Variants in GRID1 observed in about 807,000 individuals in gnomAD.
GRID1 encodes glutamate receptor ionotropic, delta-1.
A neutral mutation model predicts 98.0 loss-of-function variants in GRID1; 28 were observed. The observed-to-expected ratio is 0.29, with a 90% confidence interval of 0.21 to 0.39. The LOEUF is 0.39. GRID1 is among the 10% of genes least tolerant of loss of function. GRID1 has a pLI of 1.00. For missense variants in GRID1, 1,111 were observed against 1,340.5 expected, an observed-to-expected ratio of 0.83 and a Z score of 2.67; for synonymous variants, 553 against 538.5, an observed-to-expected ratio of 1.03 and a Z score of -0.37.
intron 4 of GRID1, among the ~76,000 whole-genome samples, chr10:86,102,722 T>C (rs9420382): frequency 0.48 from 72,503 of 151,684 alleles, 20,630 homozygotes; most frequent in African/African-American, 0.8. Flanking sequence ...ACCGTGAATC[T>C]ATTAAACCTC....
At chr10:85,650,146 T>C (rs1402262218) in intron 12 of GRID1, 3 of 152,190 alleles carry the variant, frequency 2.0e-5, no homozygotes, top group Non-Finnish European at 4.4e-5. Flanking sequence ...GCACCCAGTT[T>C]TGGAGGGGAC....
intron 3 of GRID1, among the ~76,000 whole-genome samples, chr10:86,151,774 G>A (rs969296006): frequency 1.3e-5 from 2 of 152,134 alleles, no homozygotes; most frequent in African/African-American, 4.8e-5. Flanking sequence ...CCACCCAATG[G>A]GACCTCCTGA....
At chr10:85,703,194 T>C (rs560363689) in intron 12 of GRID1, among the ~76,000 whole-genome samples, 8 of 152,190 alleles carry the variant, frequency 5.3e-5, no homozygotes, top group South Asian at 4.1e-4. Context: ...AATTAATGTA[T>C]AAAGGCAACA....
chr10:85,817,487 C>A (rs1842725955), intron 8 of GRID1, among the ~76,000 whole-genome samples: 1 of 152,108 alleles, frequency 6.6e-6, no homozygotes, highest in Non-Finnish European at 1.5e-5. Context: ...ATTTGTGCCA[C>A]TGCACTCCAG....
Position 86,365,414 on chromosome 10 carries a change from G to A in GRID1, c.79+900C>T, listed in dbSNP as rs1449015370. Among the ~76,000 whole-genome samples the A allele has an allele frequency of 1.4e-5, 2 of 147,198 alleles. No individual in the cohort carries two copies. Among genetic ancestry groups the A allele is most frequent in the East Asian group, 4.0e-4 (2 of 4,972 alleles). ...GGCCCAACTTCCCGAGATTCCTCCCGTGTTGCTCCCAACTCCCACCCACTC... is the reference window on the plus strand; with the variant it reads ...GGCCCAACTTCCCGAGATTCCTCCCATGTTGCTCCCAACTCCCACCCACTC... On this transcript the variant is annotated intron_variant, in intron 1 of 15. Transcript: ENST00000327946. The surrounding 1 kb of genome is among the most constrained non-coding windows in gnomAD (Gnocchi z 4.8).
At chr10:86,005,707 C>A (rs1237876978) in intron 4 of GRID1, among the ~76,000 whole-genome samples, 1 of 152,086 alleles carries the variant, frequency 6.6e-6, no homozygotes, top group Non-Finnish European at 1.5e-5. Flanking sequence ...TGAGTAAGAG[C>A]AGACATAGAA....
At chr10:85,734,729 A>T (rs1392692101) in intron 8 of GRID1, among the ~76,000 whole-genome samples, 14 of 152,178 alleles carry the variant, frequency 9.2e-5, no homozygotes, top group Non-Finnish European at 2.1e-4. Context: ...ATTTCCACAA[A>T]ACTGTGTGAT....
At chr10:85,777,106 C>A (rs1842338742) in intron 8 of GRID1, among the ~76,000 whole-genome samples, 1 of 152,168 alleles carries the variant, frequency 6.6e-6, no homozygotes. Context: ...CTCTCTAATT[C>A]TCCAACCTAA....
chr10:86,042,059 A>G (rs974359894), intron 4 of GRID1, among the ~76,000 whole-genome samples: 4 of 152,194 alleles, frequency 2.6e-5, no homozygotes, highest in African/African-American at 9.6e-5. Flanking sequence ...AAGCTGAAAG[A>G]GGAACAGGTC....
At chr10:85,897,471 T>C (rs1232063834) in intron 5 of GRID1, among the ~76,000 whole-genome samples, 1 of 152,166 alleles carries the variant, frequency 6.6e-6, no homozygotes, top group Non-Finnish European at 1.5e-5. Context: ...CCATCCCCAA[T>C]ACACTGGCCC....
intron 4 of GRID1, among the ~76,000 whole-genome samples, chr10:85,920,589 G>T (rs1447652076): frequency 6.6e-6 from 1 of 152,220 alleles, no homozygotes; most frequent in East Asian, 1.9e-4. Context: ...ATACAGCTTT[G>T]CAAAGTGGTG....
rs567552726 is a variant in GRID1 at position 86,183,522 on chromosome 10, G to A, written c.520+22842C>T. On this transcript the variant is annotated intron_variant, in intron 3 of 15. Transcript: ENST00000327946. The stretch of plus-strand genomic sequence containing the variant: ...TTACAGGCATGCGCCACCATACCCC[G>A]CTGATTTTGTCTTTTTAGTAGAGAC... 5.9e-5 allele frequency among the ~76,000 whole-genome samples: 9 copies of A among 152,182 alleles called. No homozygotes were observed. In the South Asian group the frequency reaches 6.2e-4, roughly 11 times the overall value.
At chr10:86,095,701 T>A (rs75503418) in intron 4 of GRID1, among the ~76,000 whole-genome samples, 8,288 of 151,692 alleles carry the variant, frequency 0.055, 496 homozygotes, top group African/African-American at 0.15. Context: ...TAAAAAAAAA[T>A]TTTTTTAAAA....
At chr10:86,055,323 G>T (rs1843557777) in intron 4 of GRID1, among the ~76,000 whole-genome samples, 1 of 152,168 alleles carries the variant, frequency 6.6e-6, no homozygotes, top group African/African-American at 2.4e-5. Flanking sequence ...GTTATGGATT[G>T]AATGTTTGTG....
At chr10:85,972,783 T>C (rs1291895536) in intron 4 of GRID1, among the ~76,000 whole-genome samples, 2 of 152,160 alleles carry the variant, frequency 1.3e-5, no homozygotes, top group African/African-American at 2.4e-5. Flanking sequence ...AGTGAGATTA[T>C]TGGGTCAAAC....
intron 8 of GRID1, among the ~76,000 whole-genome samples, chr10:85,826,589 C>T (rs1229107786): frequency 2.0e-5 from 3 of 152,100 alleles, no homozygotes; most frequent in African/African-American, 7.2e-5. Flanking sequence ...CACTTGCCAA[C>T]ACATGCACCC....
At chr10:86,266,355 G>A (rs964971470) in intron 2 of GRID1, among the ~76,000 whole-genome samples, 9 of 152,018 alleles carry the variant, frequency 5.9e-5, no homozygotes, top group African/African-American at 1.9e-4. Context: ...ATTCACACAC[G>A]GCATCCCTGC....
intron 8 of GRID1, among the ~76,000 whole-genome samples, chr10:85,826,076 C>A (rs1204225449): frequency 2.0e-5 from 3 of 152,174 alleles, no homozygotes; most frequent in Admixed American, 2.0e-4. Context: ...CCTGTAATCC[C>A]AACAATTTAG....
intron 5 of GRID1, among the ~76,000 whole-genome samples, chr10:85,896,396 C>G (rs1841295100): frequency 1.3e-5 from 2 of 152,150 alleles, no homozygotes; most frequent in Admixed American, 6.6e-5. Flanking sequence ...GAAGGTAACA[C>G]AGGGTTTGGA....
Sources: gnomAD v4.1 joint callset for allele counts (sites outside exome capture counted in the v4.1 genomes callset) on GRCh38, gnomAD v4.1.1 for gene constraint, Gnocchi (gnomAD v3.1) non-coding constraint, MANE v1.5 for transcripts, NCBI Gene and HGNC (gene_info 2026-07-23, HGNC 2026-07-21) for gene names.